The following OR2L13 variants were observed in gnomAD, a reference collection of about 807,000 sequenced individuals.
OR2L13 encodes the protein olfactory receptor family 2 subfamily L member 13, also known as olfactory receptor 2L13.
OR2L13 carries 14 observed loss-of-function variants against 15.3 expected under a neutral mutation model. That is an observed-to-expected ratio of 0.91 (90% CI 0.60 to 1.43). The LOEUF is 1.43. Among genes scored for constraint, OR2L13 ranks in the 40% most tolerant of loss-of-function variants. The pLI, the probability that OR2L13 is intolerant of heterozygous loss-of-function variation, is 0.00. For missense variants in OR2L13, 367 were observed against 387.9 expected (o/e 0.95, Z 0.45); for synonymous variants, 152 against 142.9 (o/e 1.06, Z -0.45).
At chr1:247,976,061 C>T in the OR2L13 span, among the ~76,000 whole-genome samples, 1 of 152,034 alleles carries the variant, frequency 6.6e-6, no homozygotes, top group Non-Finnish European at 1.5e-5. Context: ...TTTCTCTCAA[C>T]CGGTGGGTAT....
chr1:247,950,255 G>A, the OR2L13 span, among the ~76,000 whole-genome samples: 2 of 151,716 alleles, frequency 1.3e-5, no homozygotes, highest in African/African-American at 2.4e-5. Context: ...TAACGTACCA[G>A]TTACTCTTTC....
At chr1:247,990,400 T>C in the OR2L13 span, 1 of 1,586,890 alleles carries the variant, frequency 6.3e-7, no homozygotes, top group East Asian at 2.2e-5. Context: ...CTATCCATGA[T>C]TCTTCTCATC....
At chr1:247,965,001 TAA>T in the OR2L13 span, among the ~76,000 whole-genome samples, 2 of 149,956 alleles carry the variant, frequency 1.3e-5, no homozygotes, top group African/African-American at 4.9e-5. Flanking sequence ...CATATATACT[TAA>T]GTGTATATAA....
chr1:247,968,390 A>T, the OR2L13 span, among the ~76,000 whole-genome samples: 1 of 152,166 alleles, frequency 6.6e-6, no homozygotes, highest in East Asian at 1.9e-4. Context: ...ACATGTGCAC[A>T]CTGTGCAGGT....
At chr1:248,077,733 A>T in the OR2L13 span, among the ~76,000 whole-genome samples, 5 of 152,198 alleles carry the variant, frequency 3.3e-5, 1 homozygote, top group Admixed American at 6.5e-5. Flanking sequence ...TTAAAGGGAG[A>T]TTAGAAGAAA....
chr1:247,956,891 C>T, the OR2L13 span, among the ~76,000 whole-genome samples: 2 of 152,134 alleles, frequency 1.3e-5, no homozygotes, highest in African/African-American at 4.8e-5. Context: ...CATCTGCAAA[C>T]AGGGACAATT....
the OR2L13 span, among the ~76,000 whole-genome samples, chr1:247,971,166 A>T: frequency 6.6e-6 from 1 of 152,182 alleles, no homozygotes. Flanking sequence ...TAAATCCAAA[A>T]ATTAACTGTG....
At chr1:248,022,664 C>A in the OR2L13 span, 204 of 1,613,934 alleles carry the variant, frequency 1.3e-4, no homozygotes, top group Non-Finnish European at 1.7e-4. Context: ...CCTATTCGAC[C>A]TGCAGCACCC....
At chr1:248,073,481 T>TG in the OR2L13 span, among the ~76,000 whole-genome samples, 9 of 143,972 alleles carry the variant, frequency 6.3e-5, no homozygotes, top group Non-Finnish European at 1.1e-4. Flanking sequence ...TGTTGTGGGG[T>TG]GGGGGGAGCG....
chr1:248,075,767 G>A, the OR2L13 span, among the ~76,000 whole-genome samples: 2 of 152,104 alleles, frequency 1.3e-5, no homozygotes, highest in African/African-American at 4.8e-5. Flanking sequence ...TTTGTCAGAT[G>A]GGTAGATTGC....
the OR2L13 span, among the ~76,000 whole-genome samples, chr1:247,967,899 C>T: frequency 2.6e-5 from 4 of 150,974 alleles, no homozygotes; most frequent in Admixed American, 6.6e-5. Context: ...CCTCCTTCCT[C>T]GTCCTCTTCC....
chr1:247,995,469 C>T, the OR2L13 span, among the ~76,000 whole-genome samples: 1 of 152,152 alleles, frequency 6.6e-6, no homozygotes. Context: ...ATTCTTAGCC[C>T]ATTGCATTTT....
the OR2L13 span, among the ~76,000 whole-genome samples, chr1:247,982,729 A>G: frequency 6.6e-6 from 1 of 152,200 alleles, no homozygotes; most frequent in Admixed American, 6.5e-5. Context: ...TTGTTGCTGG[A>G]TCAAGTGAAA....
the OR2L13 span, among the ~76,000 whole-genome samples, chr1:247,982,459 AAG>A: frequency 6.6e-6 from 1 of 152,246 alleles, no homozygotes; most frequent in Non-Finnish European, 1.5e-5. Flanking sequence ...GGATAGGAAA[AAG>A]AGATCTATGC....
the OR2L13 span, chr1:248,083,721 T>C: frequency 1.2e-5 from 20 of 1,612,928 alleles, no homozygotes; most frequent in Non-Finnish European, 1.6e-5. Flanking sequence ...GACCTCACTG[T>C]TCCTCACACT....
At chr1:247,956,790 AT>A in the OR2L13 span, among the ~76,000 whole-genome samples, 1 of 152,104 alleles carries the variant, frequency 6.6e-6, no homozygotes, top group African/African-American at 2.4e-5. Context: ...TTGCACATTG[AT>A]TTTGTATCTT....
the OR2L13 span, among the ~76,000 whole-genome samples, chr1:247,943,044 C>T: frequency 2.0e-5 from 3 of 152,118 alleles, no homozygotes; most frequent in East Asian, 1.9e-4. Flanking sequence ...TTGTAGCATG[C>T]GTCAAAATGT....
chr1:248,097,934 G>A (rs1171950781), intron 1 of OR2L13, among the ~76,000 whole-genome samples: 3 of 152,186 alleles, frequency 2.0e-5, no homozygotes, highest in Non-Finnish European at 4.4e-5. Context: ...GCCTCACTCA[G>A]TGACTACTGC....
chr1:248,007,635 C>A, the OR2L13 span, among the ~76,000 whole-genome samples: 5 of 152,190 alleles, frequency 3.3e-5, no homozygotes, highest in Non-Finnish European at 7.3e-5. Context: ...TAAGTTATGC[C>A]TCTTCCTCGT....
Sources: allele counts gnomAD v4.1 joint callset (sites outside exome capture counted in the v4.1 genomes callset), GRCh38; gene constraint gnomAD v4.1.1; transcripts MANE v1.5; gene names NCBI Gene and HGNC (gene_info 2026-07-23, HGNC 2026-07-21).